Variants in ELOVL6 observed in about 807,000 individuals in gnomAD.
ELOVL6 encodes ELOVL fatty acid elongase 6, also known as very long chain fatty acid elongase 6.
Under a neutral mutation model 31.7 loss-of-function variants are expected in ELOVL6, and 8 were observed. The ratio of observed to expected loss-of-function variants is 0.25; its 90% CI spans 0.15 to 0.45. The LOEUF is 0.45. ELOVL6 is among the 20% of genes least tolerant of loss of function. ELOVL6 has a pLI of 1.00. For synonymous variants in ELOVL6, 101 were observed against 117.7 expected, an observed-to-expected ratio of 0.86 and a Z score of 0.92; for missense variants, 126 against 326.4, an observed-to-expected ratio of 0.39 and a Z score of 4.73.
At chr4:110,090,098 C>T (rs1399950373) in intron 2 of ELOVL6, among the ~76,000 whole-genome samples, 2 of 152,148 alleles carry the variant, frequency 1.3e-5, no homozygotes, top group Non-Finnish European at 1.5e-5. Context: ...TTAGATAAGA[C>T]AATATATTAA....
intron 1 of ELOVL6, among the ~76,000 whole-genome samples, chr4:110,170,683 A>G (rs1464680646): frequency 2.0e-5 from 3 of 152,212 alleles, no homozygotes; most frequent in East Asian, 1.9e-4. Flanking sequence ...CTTAACCACA[A>G]GATTATGATT....
intron 2 of ELOVL6, among the ~76,000 whole-genome samples, chr4:110,095,092 A>G (rs1259783139): frequency 6.6e-6 from 1 of 152,244 alleles, no homozygotes; most frequent in African/African-American, 2.4e-5. Flanking sequence ...GCCATTATAG[A>G]GAAGGAATTT....
intron 1 of ELOVL6, among the ~76,000 whole-genome samples, chr4:110,193,159 C>T (rs1759672176): frequency 6.6e-6 from 1 of 152,198 alleles, no homozygotes; most frequent in African/African-American, 2.4e-5. Context: ...GTTTCATTAA[C>T]ATTATGCTGC....
chr4:110,144,863 A>G (rs556142417), intron 1 of ELOVL6, among the ~76,000 whole-genome samples: 6 of 152,288 alleles, frequency 3.9e-5, no homozygotes, highest in African/African-American at 1.2e-4. Flanking sequence ...CAGCACTTCA[A>G]AAGATGGAAT....
chr4:110,105,338 T>A (rs1217322656), intron 2 of ELOVL6, among the ~76,000 whole-genome samples, 159 bp downstream of exon 2: 1 of 152,192 alleles, frequency 6.6e-6, no homozygotes. Context: ...TGGCAAATGG[T>A]GGCAGTGAAG....
intron 1 of ELOVL6, among the ~76,000 whole-genome samples, chr4:110,188,772 A>G (rs1759520474): frequency 6.6e-6 from 1 of 151,922 alleles, no homozygotes; most frequent in South Asian, 2.1e-4. Flanking sequence ...TATGCCTGTA[A>G]TCCCAGCTAC....
At chr4:110,084,588 A>ATATTT (rs1553956261) in intron 2 of ELOVL6, among the ~76,000 whole-genome samples, 7 of 29,656 alleles carry the variant, frequency 2.4e-4, no homozygotes, top group African/African-American at 1.1e-3. Context: ...ATATATATAT[A>ATATTT]TTTTTTTTTT....
chr4:110,087,030 T>C (rs1392634544), intron 2 of ELOVL6, among the ~76,000 whole-genome samples: 2 of 152,166 alleles, frequency 1.3e-5, no homozygotes, highest in African/African-American at 4.8e-5. Flanking sequence ...TTTGGAAATT[T>C]AGGGAAACAC....
intron 1 of ELOVL6, among the ~76,000 whole-genome samples, chr4:110,110,594 G>C (rs1757008297): frequency 1.3e-5 from 2 of 151,808 alleles, no homozygotes; most frequent in Admixed American, 1.3e-4. Context: ...TGGGATCCCA[G>C]TATGCTGGCC....
chr4:110,098,068 A>G (rs1756638534), intron 2 of ELOVL6, among the ~76,000 whole-genome samples: 1 of 152,216 alleles, frequency 6.6e-6, no homozygotes, highest in East Asian at 1.9e-4. Flanking sequence ...TCTGACCTGC[A>G]TCGTATCTGT....
chr4:110,197,838 C>T (rs1305132652), intron 1 of ELOVL6: 1 of 235,700 alleles, frequency 4.2e-6, no homozygotes, highest in Admixed American at 5.2e-5. Flanking sequence ...CCTCCACTGC[C>T]TTTCACACTC....
chr4:110,078,396 A>G (rs1474388697), intron 2 of ELOVL6, among the ~76,000 whole-genome samples: 1 of 152,236 alleles, frequency 6.6e-6, no homozygotes, highest in African/African-American at 2.4e-5. Context: ...ACCTCTTGGC[A>G]GAAACTCTAC....
In ELOVL6 at chr4:110,172,008, A is replaced by G. The variant is rs145744347; in HGVS notation, c.89+26239T>C. Among the ~76,000 whole-genome samples the G allele has an allele frequency of 5.8e-3, 882 of 152,178 alleles. 45 individuals carry two copies. Among genetic ancestry groups the G allele is most frequent in the Admixed American group, 0.054 (820 of 15,268 alleles). ...CCAGACTTATAACATCCTTTATAAT[A>G]AACTAATACATGTGTTTCCCTGAGT... On this transcript the variant is annotated intron_variant, in intron 1 of 3. Coordinates refer to ENST00000302274, the MANE Select transcript of ELOVL6 (RefSeq NM_024090.3).
chr4:110,052,032 C>A (rs1754850036), intron 3 of ELOVL6, among the ~76,000 whole-genome samples: 1 of 152,206 alleles, frequency 6.6e-6, no homozygotes, highest in Non-Finnish European at 1.5e-5. Flanking sequence ...GCATGGCTCT[C>A]TTCACACACA....
At chr4:110,197,043 C>G (rs1258422713) in intron 1 of ELOVL6, among the ~76,000 whole-genome samples, 1 of 152,228 alleles carries the variant, frequency 6.6e-6, no homozygotes, top group Non-Finnish European at 1.5e-5. Flanking sequence ...GCCGGCGTTT[C>G]TGGTTTCCAG....
intron 1 of ELOVL6, 166 bp downstream of exon 1, chr4:110,198,081 C>T (rs772982609): frequency 0.064 from 36,642 of 576,536 alleles, 4,215 homozygotes; most frequent in South Asian, 0.11. Flanking sequence ...TGTACCCCCC[C>T]CCCCCCAGCG....
At chr4:110,085,036 TAG>T (rs1326313647) in intron 2 of ELOVL6, among the ~76,000 whole-genome samples, 6 of 152,148 alleles carry the variant, frequency 3.9e-5, no homozygotes, top group Non-Finnish European at 7.3e-5. Flanking sequence ...TAAGTTGTGG[TAG>T]AGTGTTGGCA....
At chr4:110,186,569 C>T (rs2126279890) in intron 1 of ELOVL6, among the ~76,000 whole-genome samples, 1 of 151,772 alleles carries the variant, frequency 6.6e-6, no homozygotes, top group South Asian at 2.1e-4. Context: ...CCCAGCACTT[C>T]AGGAGGCGGA....
intron 1 of ELOVL6, among the ~76,000 whole-genome samples, chr4:110,164,903 A>C (rs1382739941): frequency 6.6e-6 from 1 of 152,016 alleles, no homozygotes; most frequent in Non-Finnish European, 1.5e-5. Flanking sequence ...CAGTAGCACA[A>C]TCACAGCTCA....
Sources: gnomAD v4.1 joint callset for allele counts (sites outside exome capture counted in the v4.1 genomes callset) on GRCh38, gnomAD v4.1.1 for gene constraint, MANE v1.5 for transcripts, NCBI Gene and HGNC (gene_info 2026-07-23, HGNC 2026-07-21) for gene names.